TNC: variants seen among roughly 807,000 people sequenced by gnomAD.
TNC encodes tenascin.
TNC carries 109 observed loss-of-function variants against 202.4 expected under a neutral mutation model. The observed-to-expected ratio is 0.54, with a 90% CI of 0.46 to 0.63. The LOEUF (loss-of-function observed/expected upper bound fraction) is 0.63. Among genes scored for constraint, TNC ranks in the 30% least tolerant of loss-of-function variants. The probability of loss-of-function intolerance (pLI) is 0.00; values close to 1 mark genes in which losing one functional copy is unlikely to be tolerated. For missense variants in TNC, 2,756 were observed against 2,833.3 expected (o/e 0.97, Z 0.62); for synonymous variants, 1,007 against 1,089.7 (o/e 0.92, Z 1.50).
chr9:115,116,212 G>A (rs1180269273), intron 1 of TNC, among the ~76,000 whole-genome samples: 3 of 152,172 alleles, frequency 2.0e-5, no homozygotes, highest in Admixed American at 2.0e-4. Context: ...AGAGAAGCTA[G>A]GTTTTTAAAA....
chr9:115,084,502 T>C (rs943153410), intron 3 of TNC, 30 bp from the exon 4 acceptor site: 8 of 1,607,108 alleles, frequency 5.0e-6, no homozygotes, highest in Admixed American at 1.7e-5. Context: ...ACATCTGGTG[T>C]CAACAGTGTG....
chr9:115,066,985 C>CTCTTTAA (rs1833002946), intron 10 of TNC, among the ~76,000 whole-genome samples: 1 of 152,140 alleles, frequency 6.6e-6, no homozygotes, highest in Admixed American at 6.5e-5. Context: ...CCTCTTTAAC[C>CTCTTTAA]CCGACTCATA....
At chr9:115,080,469 C>T (rs1834220577) in intron 6 of TNC, among the ~76,000 whole-genome samples, 1 of 152,154 alleles carries the variant, frequency 6.6e-6, no homozygotes, top group Non-Finnish European at 1.5e-5. Flanking sequence ...GCAAGATGTT[C>T]TTTCTTGTCA....
At chr9:115,095,504 A>G (rs9657669) in intron 1 of TNC, among the ~76,000 whole-genome samples, 160 of 8,958 alleles carry the variant, frequency 0.018, 12 homozygotes, top group Middle Eastern at 0.05. Context: ...ATATATATGT[A>G]TATATATATG....
intron 1 of TNC, among the ~76,000 whole-genome samples, chr9:115,114,237 C>T (rs549034793): frequency 6.6e-6 from 1 of 152,230 alleles, no homozygotes; most frequent in Admixed American, 6.5e-5. Flanking sequence ...TCCCTACAAT[C>T]TTCTCAGAGT....
rs779698581 is a variant in TNC, at chr9:115,031,704, G to A, written c.5788-19C>T. On this transcript the variant is annotated intron_variant, in intron 22 of 27. Transcript: ENST00000350763. The stretch of plus-strand genomic sequence containing the variant: ...TGACTTCCTAAGAGCAGAAGAAAAA[G>A]TATAATGGCTTTTGGTCACAGAAAT... The A allele has an allele frequency of 6.2e-7, 1 of 1,602,544 alleles. No individual in the cohort carries two copies. Among genetic ancestry groups the A allele is most frequent in the Non-Finnish European group, 8.5e-7 (1 of 1,176,352 alleles).
intron 22 of TNC, 123 bp downstream of exon 22, chr9:115,035,080 AT>A (rs3215885): frequency 3.0e-4 from 254 of 851,642 alleles, no homozygotes; most frequent in South Asian, 5.5e-4. Flanking sequence ...GTCTCTACTA[AT>A]TTTTTTTTTC....
chr9:115,089,204 C>T (rs1835023066), intron 2 of TNC, among the ~76,000 whole-genome samples: 2 of 152,190 alleles, frequency 1.3e-5, no homozygotes, highest in Non-Finnish European at 2.9e-5. Context: ...GCCTGTCCTG[C>T]AGAGCCGTAA....
rs534063053 is a variant in TNC, at chr9:115,023,004, C to G, written c.6495+969G>C. On this transcript the variant is annotated intron_variant, in intron 27 of 27. Transcript: ENST00000350763. ...TTGTGGAGTCTATCAACTGCCTCCC[C>G]CCTGACCCCACAACAACAAAAATGC... Among the ~76,000 whole-genome samples the G allele has an allele frequency of 2.0e-3, 305 of 151,246 alleles. 1 individual carries two copies. Among genetic ancestry groups the G allele is most frequent in the Middle Eastern group, 3.4e-3 (1 of 294 alleles).
chr9:115,090,973 G>C lies in TNC; in HGVS notation c.46C>G (p.Leu16Val), dbSNP rs1835185725. ...ACCCCACCTTCGGTAGCGAGGGCAA[G>C]GAAAGCAAGAAAGACACCTGCCAAC... ...QLLAGVFLAF[L>V]ALATEGGVLK... Residue 16 changes from leucine (L) to valine (V), a missense_variant, in exon 2 of 28, where the codon CTT (leucine) becomes GTT (valine). Physicochemically the swap from Leu to Val is conservative, Grantham distance 32. Coordinates refer to ENST00000350763, the MANE Select transcript of TNC (RefSeq NM_002160.4). 6.2e-7 allele frequency: 1 copy of C among 1,613,622 alleles called. No individual in the cohort carries two copies. Among genetic ancestry groups the C allele is most frequent in the Non-Finnish European group, 8.5e-7 (1 of 1,180,038 alleles).
At chr9:115,082,920 A>G (rs934638218) in intron 4 of TNC, 113 bp from the exon 5 acceptor site, 8 of 707,418 alleles carry the variant, frequency 1.1e-5, no homozygotes, top group East Asian at 1.0e-4. Context: ...GGGGCTGACA[A>G]CCAGAGCAGG....
At chr9:115,062,708 A>AT (rs1832641366) in intron 13 of TNC, among the ~76,000 whole-genome samples, 1 of 152,002 alleles carries the variant, frequency 6.6e-6, no homozygotes, top group African/African-American at 2.4e-5. Context: ...GTGTGTGTAT[A>AT]TATGTGTATC....
chr9:115,063,747 GAGCAGAGACAA>G, intron 12 of TNC, 38 bp downstream of exon 12: 1 of 1,571,368 alleles, frequency 6.4e-7, no homozygotes, highest in Non-Finnish European at 8.7e-7. Flanking sequence ...GATTCCTCCC[GAGCAGAGACAA>G]AGGGGAGGAA....
In TNC at chr9:115,078,170, T is replaced by A; in HGVS notation, c.2447A>T (p.Asp816Val). Residue 816 changes from aspartate (D) to valine (V), a missense_variant, in exon 7 of 28, where the codon GAC becomes GTC. By Grantham distance (152) the Asp-to-Val change is radical. Transcript: ENST00000350763. The stretch of plus-strand genomic sequence containing the variant: ...GAACCAGGTGATCAAGGCAGTGGTG[T>A]CTGTGACATCTTTCACCTCGATCTG... ...PSQIEVKDVT[D>V]TTALITWFKP... is the part of the protein sequence containing the mutation. 6.2e-7 allele frequency: 1 copy of A among 1,611,152 alleles called. No homozygotes were observed. The highest frequency in any genetic ancestry group is 8.5e-7 in the Non-Finnish European group (1 of 1,177,476).
At chr9:115,032,969 G>A (rs886728069) in intron 22 of TNC, among the ~76,000 whole-genome samples, 3 of 152,166 alleles carry the variant, frequency 2.0e-5, no homozygotes, top group Admixed American at 1.3e-4. Context: ...CAAGCACAAC[G>A]ATCTTCTCTA....
intron 15 of TNC, chr9:115,052,912 G>A (rs1029131620): frequency 1.4e-6 from 1 of 702,750 alleles, no homozygotes; most frequent in Non-Finnish European, 2.6e-6. Flanking sequence ...CACTCACATT[G>A]ATAACAATCT....
chr9:115,077,915 T>C (rs749483227), intron 7 of TNC, 28 bp downstream of exon 7: 4 of 1,605,124 alleles, frequency 2.5e-6, no homozygotes, highest in South Asian at 2.2e-5. Context: ...TCCTTTACTA[T>C]ATCTGTTAAC....
chr9:115,111,532 C>A (rs1837065483), intron 1 of TNC, among the ~76,000 whole-genome samples: 2 of 150,116 alleles, frequency 1.3e-5, no homozygotes, highest in Admixed American at 6.7e-5. Context: ...CTTCAGCTTC[C>A]TGAGTAGCTG....
chr9:115,023,782 C>T (rs567664776), intron 27 of TNC, among the ~76,000 whole-genome samples, 191 bp downstream of exon 27: 2 of 152,344 alleles, frequency 1.3e-5, no homozygotes, highest in South Asian at 2.1e-4. Context: ...AAGGGTTAAC[C>T]TGTGCTGTTT....
Sources: gnomAD v4.1 joint callset for allele counts (sites outside exome capture counted in the v4.1 genomes callset) on GRCh38, gnomAD v4.1.1 for gene constraint, MANE v1.5 for transcripts, NCBI Gene and HGNC (gene_info 2026-07-23, HGNC 2026-07-21) for gene names.